Variants in OR5M1 observed in about 807,000 individuals in gnomAD.
OR5M1 encodes the protein olfactory receptor 5M1.
For synonymous variants in OR5M1, 165 were observed against 144.2 expected (o/e 1.14, Z -1.04); for missense variants, 367 against 379.5 (o/e 0.97, Z 0.27).
chr11:56,614,018 T>C (rs1179784068), intron 1 of OR5M1, among the ~76,000 whole-genome samples: 1 of 152,224 alleles, frequency 6.6e-6, no homozygotes. Flanking sequence ...GCATTTTCAA[T>C]TAAGACCCAT....
intron 1 of OR5M1, 105 bp from the exon 2 acceptor site, chr11:56,613,624 C>G (rs1384395244): frequency 2.3e-6 from 2 of 885,120 alleles, no homozygotes; most frequent in Non-Finnish European, 3.5e-6. Flanking sequence ...GTGACAATTA[C>G]TTCTCTTGTT....
At chr11:56,613,994 G>A (rs79525368) in intron 1 of OR5M1, among the ~76,000 whole-genome samples, 1 of 152,222 alleles carries the variant, frequency 6.6e-6, no homozygotes, top group African/African-American at 2.4e-5. Flanking sequence ...ACAAAATGAA[G>A]AAAGAAAAGC....
At chr11:56,613,589 T>C (rs1423935071) in intron 1 of OR5M1, 70 bp from the exon 2 acceptor site, 4 of 1,223,640 alleles carry the variant, frequency 3.3e-6, no homozygotes, top group African/African-American at 1.5e-5. Context: ...CCATTTATCA[T>C]TCGCTCATTC....
In OR5M1 at chr11:56,613,214, A is replaced by T; in HGVS notation, c.289T>A (p.Cys97Ser). 1 of 1,613,780 alleles carries T rather than the reference A, an allele frequency of 6.2e-7. No individual in the cohort carries two copies. Among genetic ancestry groups the T allele is most frequent in the Non-Finnish European group, 8.5e-7 (1 of 1,179,726 alleles). The change falls in exon 2 of 2, where the codon TGC becomes AGC. Residue 97 changes from cysteine to serine, a missense_variant. By Grantham distance (112) the Cys-to-Ser change is moderately radical (BLOSUM62 -1). Transcript: ENST00000641076. ...ATGAAGAGAAGACACTGTGTGAAGCATCCAGCGTAGGAGATGGTCTTCTGT... is the reference window on the plus strand; with the variant it reads ...ATGAAGAGAAGACACTGTGTGAAGCTTCCAGCGTAGGAGATGGTCTTCTGT... ...SEQKTISYAG[C>S]FTQCLLFIAL...
chr11:56,611,993 G>A lies in OR5M1; in HGVS notation c.*562C>T, dbSNP rs1853684733. ...GTATTATCATATGAACAAAAAAGAA[G>A]CTTCTCAAGATATTTACAAGATGGG... is the stretch of plus-strand genomic sequence containing the variant. On this transcript the variant is annotated 3_prime_UTR_variant, in exon 2 of 2. Coordinates refer to ENST00000641076, the MANE Select transcript of OR5M1 (RefSeq NM_001004740.2). The A allele has an allele frequency of 6.6e-6, 1 of 152,064 alleles. No homozygotes were observed. The highest frequency in any genetic ancestry group is 2.4e-5 in the African/African-American group (1 of 41,436). 9.4% of individuals were successfully genotyped at this position (152,064 alleles called of 1,614,324 possible).
rs1342114330 is a variant in OR5M1 at position 56,613,238 on chromosome 11, GT to G, written c.264del (p.Glu88AspfsTer21). 1 of 1,613,610 alleles carries G rather than the reference GT, an allele frequency of 6.2e-7. No individual in the cohort carries two copies. Among genetic ancestry groups the G allele is most frequent in the Non-Finnish European group, 8.5e-7 (1 of 1,179,696 alleles). On this transcript the variant is annotated frameshift_variant, in exon 2 of 2. Transcript: ENST00000641076. LOFTEE classifies it low-confidence loss of function (END_TRUNC). ...TPNMLHNFLS[E>X]QKTISYAGCF... is the part of the protein sequence containing the mutation. ...CATCCAGCGTAGGAGATGGTCTTCT[GT>G]TCTGAGAGGAAATTGTGCAGCATAT...
Position 56,611,598 on chromosome 11 carries a change from G to A in OR5M1, c.*957C>T, listed in dbSNP as rs1489042215. 6.6e-6 allele frequency: 1 copy of A among 152,046 alleles called. No individual in the cohort carries two copies. The highest frequency in any genetic ancestry group is 2.4e-5 in the African/African-American group (1 of 41,402). The allele number at this position is 152,046 out of a possible 1,614,324, so 9.4% of individuals were successfully genotyped here. On this transcript the variant is annotated 3_prime_UTR_variant, in exon 2 of 2. Coordinates refer to ENST00000641076, the MANE Select transcript of OR5M1 (RefSeq NM_001004740.2). ...TGACTAATAATGCATGGATTAATGT[G>A]TCTCCTTAGGTAGCCTCTCTGAGAT...
intron 1 of OR5M1, among the ~76,000 whole-genome samples, chr11:56,614,577 AAAGT>A (rs1271618787): frequency 1.3e-5 from 2 of 152,094 alleles, no homozygotes; most frequent in African/African-American, 4.8e-5. Context: ...GTTCTCTTTG[AAAGT>A]AACATAAGAT....
At chr11:56,613,592 G>T (rs532664161) in intron 1 of OR5M1, 73 bp from the exon 2 acceptor site, 38 of 1,188,420 alleles carry the variant, frequency 3.2e-5, no homozygotes, top group Non-Finnish European at 4.5e-5. Flanking sequence ...TTTATCATTC[G>T]CTCATTCATC....
intron 1 of OR5M1, 65 bp from the exon 2 acceptor site, chr11:56,613,584 T>A: frequency 7.9e-7 from 1 of 1,273,820 alleles, no homozygotes; most frequent in Non-Finnish European, 1.1e-6. Flanking sequence ...TTCATCCATT[T>A]ATCATTCGCT....
In OR5M1 at chr11:56,612,718, G is replaced by A; in HGVS notation, c.785C>T (p.Pro262Leu). 6.2e-7 allele frequency: 1 copy of A among 1,613,782 alleles called. No homozygotes were observed. The highest frequency in any genetic ancestry group is 8.5e-7 in the Non-Finnish European group (1 of 1,179,772). Residue 262 changes from proline to leucine, a missense_variant, in exon 2 of 2, where the codon CCT (proline) becomes CTT (leucine). Coordinates refer to ENST00000641076, the MANE Select transcript of OR5M1 (RefSeq NM_001004740.2). ...CTCCTCTACAGACTTCTCTGATGGA[G>A]GCCTTACGTACATGCAGAAGAGGGT... ...YGTLFCMYVR[P>L]PSEKSVEESK...
At position 56,610,257 on chromosome 11, in the gene OR5M1, C is replaced by T. The variant is rs991970746; in HGVS notation, c.*2298G>A. 1 of 152,006 alleles carries T rather than the reference C, an allele frequency of 6.6e-6. No individual in the cohort carries two copies. Among genetic ancestry groups the T allele is most frequent in the East Asian group, 1.9e-4 (1 of 5,200 alleles). The allele number at this position is 152,006 out of a possible 1,614,324, so 9.4% of individuals were successfully genotyped here. A position where few individuals can be genotyped will look rare whatever the true frequency, so the allele number is the denominator to read the frequency against. On this transcript the variant is annotated 3_prime_UTR_variant, in exon 2 of 2. Coordinates refer to ENST00000641076, the MANE Select transcript of OR5M1 (RefSeq NM_001004740.2). ...TGTCTTCTGTATATCAAAATTTTCT[C>T]CCTTCACATGGACGTTAAGACAATT...
Position 56,612,533 on chromosome 11 carries a change from G to A in OR5M1, c.*22C>T, listed in dbSNP as rs2019246. ...CAGTTTGTTACTCCACAAGCAATTC[G>A]TGACTGCAAATAAACACAAGCCTAA... On this transcript the variant is annotated 3_prime_UTR_variant, in exon 2 of 2. Coordinates refer to ENST00000641076, the MANE Select transcript of OR5M1 (RefSeq NM_001004740.2). The A allele has an allele frequency of 2.9e-3, 4,540 of 1,548,988 alleles. 12 individuals are homozygous for A. The highest frequency in any genetic ancestry group is 3.6e-3 in the Non-Finnish European group (4,107 of 1,147,418).
Position 56,612,838 on chromosome 11 carries a change from A to G in OR5M1, c.665T>C (p.Phe222Ser). The G allele has an allele frequency of 6.2e-7, 1 of 1,613,800 alleles. No homozygotes were observed. Among genetic ancestry groups the G allele is most frequent in the Non-Finnish European group, 8.5e-7 (1 of 1,179,774 alleles). ...FIILLSYLFI[F>S]AAIFRIRSAE... Reference sequence around the variant, plus strand: ...AGAACGGATCCTGAAGATCGCTGCAAAAATGAAAAGATAGGACAGAAGAAT... The same window carrying G: ...AGAACGGATCCTGAAGATCGCTGCAGAAATGAAAAGATAGGACAGAAGAAT... The change falls in exon 2 of 2, where the codon TTT becomes TCT. Residue 222 changes from phenylalanine to serine, a missense_variant. Transcript: ENST00000641076.
chr11:56,612,834 T>G lies in OR5M1; in HGVS notation c.669A>C (p.Ala223=). 6.2e-7 allele frequency: 1 copy of G among 1,613,770 alleles called. No homozygotes were observed. The highest frequency in any genetic ancestry group is 8.5e-7 in the Non-Finnish European group (1 of 1,179,778). The change falls in exon 2 of 2, where the codon GCA becomes GCC. Residue 223 remains alanine, a synonymous_variant. Coordinates refer to ENST00000641076, the MANE Select transcript of OR5M1 (RefSeq NM_001004740.2). ...CAGCAGAACGGATCCTGAAGATCGC[T>G]GCAAAAATGAAAAGATAGGACAGAA... ...IILLSYLFIF[A]AIFRIRSAEG...
chr11:56,614,251 A>C (rs1337149979), intron 1 of OR5M1, among the ~76,000 whole-genome samples: 1 of 152,172 alleles, frequency 6.6e-6, no homozygotes. Flanking sequence ...ACATTATAAT[A>C]GAGGGAGCAG....
At chr11:56,613,806 G>T (rs548347116) in intron 1 of OR5M1, among the ~76,000 whole-genome samples, 232 of 151,970 alleles carry the variant, frequency 1.5e-3, no homozygotes, top group African/African-American at 5.4e-3. Context: ...ATTTATACCT[G>T]TCTTCTTGGT....
rs1156612070 is a variant in OR5M1, at chr11:56,611,921, A to T, written c.*634T>A. ...ATTGGATCCATACACTTGGAAACTC[A>T]TAAAAAGGTGTTGAGAGTTGATTTT... On this transcript the variant is annotated 3_prime_UTR_variant, in exon 2 of 2. Coordinates refer to ENST00000641076, the MANE Select transcript of OR5M1 (RefSeq NM_001004740.2). 1.3e-5 allele frequency: 2 copies of T among 152,126 alleles called. No homozygotes were observed. The highest frequency in any genetic ancestry group is 4.8e-5 in the African/African-American group (2 of 41,424). 9.4% of individuals were successfully genotyped at this position (152,126 alleles called of 1,614,324 possible).
Position 56,613,215 on chromosome 11 carries a change from T to C in OR5M1, c.288A>G (p.Gly96=). 1 of 1,613,700 alleles carries C rather than the reference T, an allele frequency of 6.2e-7. No individual in the cohort carries two copies. Among genetic ancestry groups the C allele is most frequent in the Non-Finnish European group, 8.5e-7 (1 of 1,179,716 alleles). The part of the protein sequence containing the change: ...LSEQKTISYA[G]CFTQCLLFIA... ...TGAAGAGAAGACACTGTGTGAAGCATCCAGCGTAGGAGATGGTCTTCTGTT... is the reference window on the plus strand; with the variant it reads ...TGAAGAGAAGACACTGTGTGAAGCACCCAGCGTAGGAGATGGTCTTCTGTT... Residue 96 remains glycine, a synonymous_variant, in exon 2 of 2, where the codon GGA becomes GGG. Coordinates refer to ENST00000641076, the MANE Select transcript of OR5M1 (RefSeq NM_001004740.2).
Sources: gnomAD v4.1 joint callset for allele counts (sites outside exome capture counted in the v4.1 genomes callset) on GRCh38, gnomAD v4.1.1 for gene constraint, MANE v1.5 for transcripts, NCBI Gene and HGNC (gene_info 2026-07-23, HGNC 2026-07-21) for gene names.